Variants in GPHN observed in about 807,000 individuals in gnomAD.
The protein encoded by GPHN is gephyrin.
Under a neutral mutation model 95.5 loss-of-function variants are expected in GPHN, and 17 were observed. That is an observed-to-expected ratio of 0.18 (90% CI 0.12 to 0.27). GPHN has a LOEUF of 0.27. Ranked by LOEUF, GPHN falls within the 10% of genes least tolerant of loss-of-function variation. The pLI, the probability that GPHN is intolerant of heterozygous loss-of-function variation, is 1.00. For missense variants in GPHN, 660 were observed against 978.1 expected (o/e 0.67, Z 4.34); for synonymous variants, 320 against 322.5 (o/e 0.99, Z 0.08).
At chr14:66,896,415 T>G (rs2064850570) in intron 5 of GPHN, among the ~76,000 whole-genome samples, 1 of 151,928 alleles carries the variant, frequency 6.6e-6, no homozygotes, top group Admixed American at 6.6e-5. Context: ...GTCCAGAAGT[T>G]CGAGACAAGC....
intron 2 of GPHN, among the ~76,000 whole-genome samples, chr14:66,717,214 T>G (rs2070265382): frequency 6.6e-6 from 1 of 152,190 alleles, no homozygotes; most frequent in Non-Finnish European, 1.5e-5. Context: ...TTCTTTGTCT[T>G]TGTAGGATTG....
At chr14:67,063,473 T>A (rs1396974164) in intron 11 of GPHN, among the ~76,000 whole-genome samples, 1 of 152,200 alleles carries the variant, frequency 6.6e-6, no homozygotes, top group Non-Finnish European at 1.5e-5. Context: ...GTGAAGAAAG[T>A]CATTGGTAGC....
At chr14:67,174,817 T>A (rs2082826730) in intron 21 of GPHN, among the ~76,000 whole-genome samples, 1 of 152,230 alleles carries the variant, frequency 6.6e-6, no homozygotes, top group African/African-American at 2.4e-5. Flanking sequence ...GATTTGCACT[T>A]CTCTAATGAC....
chr14:67,625,021 A>C, the GPHN span, among the ~76,000 whole-genome samples: 1 of 152,184 alleles, frequency 6.6e-6, no homozygotes, highest in Non-Finnish European at 1.5e-5. Flanking sequence ...GACCATCCCC[A>C]GAAAATTGTC....
intron 10 of GPHN, among the ~76,000 whole-genome samples, chr14:67,048,886 T>A (rs1260071764): frequency 6.6e-6 from 1 of 152,234 alleles, no homozygotes; most frequent in African/African-American, 2.4e-5. Flanking sequence ...TTAGTAATCA[T>A]TTGTAAGGTA....
the GPHN span, among the ~76,000 whole-genome samples, chr14:67,710,949 C>G: frequency 6.6e-6 from 1 of 151,908 alleles, no homozygotes; most frequent in East Asian, 1.9e-4. Flanking sequence ...ATTATGGAAC[C>G]ACCATTGCAA....
At chr14:67,049,967 A>G (rs1387063205) in intron 10 of GPHN, among the ~76,000 whole-genome samples, 1 of 152,174 alleles carries the variant, frequency 6.6e-6, no homozygotes, top group Non-Finnish European at 1.5e-5. Flanking sequence ...CTACCTGCTG[A>G]TGTGCCAGAG....
chr14:66,972,672 T>G (rs1419727913), intron 9 of GPHN, among the ~76,000 whole-genome samples: 1 of 151,652 alleles, frequency 6.6e-6, no homozygotes, highest in Non-Finnish European at 1.5e-5. Context: ...TAAATTTAAT[T>G]TAACTAATAT....
intron 4 of GPHN, among the ~76,000 whole-genome samples, chr14:66,844,695 A>G (rs1456948053): frequency 6.6e-6 from 1 of 152,142 alleles, no homozygotes; most frequent in African/African-American, 2.4e-5. Flanking sequence ...GGAAGTTAAA[A>G]TCATTTCAGT....
At chr14:66,678,010 G>T (rs1475953944) in intron 1 of GPHN, among the ~76,000 whole-genome samples, 4 of 152,052 alleles carry the variant, frequency 2.6e-5, no homozygotes, top group Admixed American at 6.6e-5. Context: ...GCCTTTTGCT[G>T]TTTTTAGAAT....
At chr14:67,343,572 AC>A in the GPHN span, 1 of 659,798 alleles carries the variant, frequency 1.5e-6, no homozygotes, top group Non-Finnish European at 2.6e-6. Context: ...TGCTTAAAAA[AC>A]AAAATTCTTA....
At chr14:66,921,111 C>A (rs967158198) in intron 6 of GPHN, among the ~76,000 whole-genome samples, 1 of 152,088 alleles carries the variant, frequency 6.6e-6, no homozygotes. Flanking sequence ...TGGGTAGATA[C>A]CCAGTAGTGG....
chr14:67,527,058 T>A, the GPHN span, among the ~76,000 whole-genome samples: 1 of 152,220 alleles, frequency 6.6e-6, no homozygotes, highest in Non-Finnish European at 1.5e-5. Context: ...GTTTCACTTA[T>A]TTCCTTTTCT....
the GPHN span, among the ~76,000 whole-genome samples, chr14:67,519,714 GTT>G: frequency 2.9e-4 from 42 of 145,080 alleles, no homozygotes; most frequent in Non-Finnish European, 3.8e-4. Flanking sequence ...CTGTAAGTTT[GTT>G]TTTTTTTTTT....
chr14:67,417,977 C>T, the GPHN span, among the ~76,000 whole-genome samples: 31 of 152,208 alleles, frequency 2.0e-4, no homozygotes, highest in African/African-American at 7.5e-4. Flanking sequence ...AACTCCTGGG[C>T]GCAAGTGATC....
At chr14:67,407,373 G>A in the GPHN span, among the ~76,000 whole-genome samples, 2 of 151,362 alleles carry the variant, frequency 1.3e-5, no homozygotes, top group African/African-American at 2.4e-5. Context: ...TGCCCACCTC[G>A]GCCTCCTAAA....
At chr14:67,571,619 A>G in the GPHN span, 3 of 793,896 alleles carry the variant, frequency 3.8e-6, no homozygotes, top group Non-Finnish European at 6.3e-6. Context: ...CTTACACTGG[A>G]CAGTTGTCTG....
intron 2 of GPHN, among the ~76,000 whole-genome samples, chr14:66,693,925 A>T (rs1022537881): frequency 8.5e-5 from 13 of 152,170 alleles, no homozygotes; most frequent in African/African-American, 2.9e-4. Context: ...AAGTTGGAGG[A>T]CTTGACACTA....
At chr14:66,841,035 G>GTATAGA (rs1212898422) in intron 4 of GPHN, among the ~76,000 whole-genome samples, 1 of 83,068 alleles carries the variant, frequency 1.2e-5, no homozygotes, top group Non-Finnish European at 2.5e-5. Flanking sequence ...ATAGATATAG[G>GTATAGA]TATAGATATA....
Sources: allele counts gnomAD v4.1 joint callset (sites outside exome capture counted in the v4.1 genomes callset), GRCh38; gene constraint gnomAD v4.1.1; transcripts MANE v1.5; gene names NCBI Gene and HGNC (gene_info 2026-07-23, HGNC 2026-07-21).